CYP24A1: variants seen among roughly 807,000 people sequenced by gnomAD.
The protein encoded by CYP24A1 is 1,25-dihydroxyvitamin D(3) 24-hydroxylase, mitochondrial.
In CYP24A1, 68 loss-of-function variants were observed where a neutral mutation model predicts 62.4. That is an observed-to-expected ratio of 1.09 (90% CI 0.90 to 1.33). The LOEUF is 1.33. Among genes scored for constraint, CYP24A1 ranks in the 40% most tolerant of loss-of-function variants. The probability of loss-of-function intolerance (pLI) is 0.00; values close to 1 mark genes in which losing one functional copy is unlikely to be tolerated. For synonymous variants in CYP24A1, 267 were observed against 253.0 expected, an observed-to-expected ratio of 1.06 and a Z score of -0.52; for missense variants, 787 against 653.0, an observed-to-expected ratio of 1.21 and a Z score of -2.24.
chr20:54,162,795 G>A lies in CYP24A1; in HGVS notation c.912C>T (p.Asp304=), dbSNP rs2092657755. The change falls in exon 7 of 12, where the codon GAC becomes GAT. Residue 304 remains aspartate (D), a synonymous_variant. Coordinates refer to ENST00000216862, the MANE Select transcript of CYP24A1 (RefSeq NM_000782.5). ...SQQPSADFLC[D]IYHQNRLSKK... is the part of the protein sequence containing the mutation. ...TTGAAAGCCGATTCTGGTGATAAATGTCACAAAGGAAATCTGCACTAGGCT... is the reference window on the plus strand; with the variant it reads ...TTGAAAGCCGATTCTGGTGATAAATATCACAAAGGAAATCTGCACTAGGCT... The A allele has an allele frequency of 1.9e-6, 3 of 1,559,684 alleles. 1 individual carries two copies.
intron 7 of CYP24A1, among the ~76,000 whole-genome samples, chr20:54,159,326 T>C (rs1247574208): frequency 6.6e-6 from 1 of 152,172 alleles, no homozygotes; most frequent in Non-Finnish European, 1.5e-5. Context: ...ATTAAGGATA[T>C]ATTTTAAATT....
At chr20:54,166,799 G>A (rs1568972007) in intron 4 of CYP24A1, among the ~76,000 whole-genome samples, 1 of 151,904 alleles carries the variant, frequency 6.6e-6, no homozygotes, top group Non-Finnish European at 1.5e-5. Flanking sequence ...CAGGAGGCTC[G>A]GGCAGGCAGA....
In CYP24A1 at chr20:54,173,232, G is replaced by C; in HGVS notation, c.258+90C>G. On this transcript the variant is annotated intron_variant, in intron 1 of 11. Transcript: ENST00000216862. This position sits in a 1 kb window ranked among gnomAD's most constrained non-coding sequence, Gnocchi z 7.2. ...GCCCAGACGCCGAAGCGCACCATGC[G>C]CCCGAGGCGCGCATGTCGGGGAGGG... 6.6e-7 allele frequency: 1 copy of C among 1,514,908 alleles called. No individual in the cohort carries two copies. The highest frequency in any genetic ancestry group is 9.1e-7 in the Non-Finnish European group (1 of 1,098,260). 93.8% of individuals were successfully genotyped at this position (1,514,908 alleles called of 1,614,324 possible).
At chr20:54,146,268 C>T in the CYP24A1 span, among the ~76,000 whole-genome samples, 6,712 of 152,236 alleles carry the variant, frequency 0.044, 176 homozygotes, top group South Asian at 0.12. Context: ...TATTGTATAT[C>T]GGATGAAACA....
chr20:54,157,663 AC>A, intron 9 of CYP24A1, 78 bp from the exon 10 acceptor site: 1 of 895,706 alleles, frequency 1.1e-6, no homozygotes, highest in Admixed American at 1.7e-5. Context: ...ACAAGTTGTC[AC>A]CTTACAAATC....
intron 5 of CYP24A1, 93 bp from the exon 6 acceptor site, chr20:54,164,656 C>A (rs1388157194): frequency 3.7e-6 from 6 of 1,605,458 alleles, no homozygotes; most frequent in Non-Finnish European, 4.3e-6. Flanking sequence ...ACCGCAGCAC[C>A]CTGCACTTTT....
chr20:54,164,915 C>G (rs2092665909), intron 5 of CYP24A1, among the ~76,000 whole-genome samples: 1 of 151,724 alleles, frequency 6.6e-6, no homozygotes, highest in Non-Finnish European at 1.5e-5. Flanking sequence ...ATTTCCAAAC[C>G]AATTTCACAG....
chr20:54,150,448 C>T (rs939204049), downstream of CYP24A1, among the ~76,000 whole-genome samples: 1 of 152,166 alleles, frequency 6.6e-6, no homozygotes, highest in South Asian at 2.1e-4. Context: ...ATTCTCCTGC[C>T]TCAGCCTCCC....
downstream of CYP24A1, among the ~76,000 whole-genome samples, chr20:54,148,828 A>G (rs1018254144): frequency 2.0e-5 from 3 of 152,212 alleles, no homozygotes; most frequent in African/African-American, 7.2e-5. Context: ...TAAATAATTA[A>G]TTCTTCCTGA....
rs1383708639 is a variant in CYP24A1 at position 54,171,611 on chromosome 20, C to T, written c.509G>A (p.Gly170Glu). 1.2e-6 allele frequency: 2 copies of T among 1,613,920 alleles called. No homozygotes were observed. Among genetic ancestry groups the T allele is most frequent in the Non-Finnish European group, 8.5e-7 (1 of 1,179,884 alleles). ...TTTGTTGTCCAGCTTCATCACTTCC[C>T]CTGGTTTCATTAGTTTCTTTTGAAA... The part of the protein sequence containing the change: ...SAFQKKLMKP[G>E]EVMKLDNKIN... Residue 170 changes from glycine (G) to glutamate (E), a missense_variant, in exon 3 of 12, where the codon GGG becomes GAG. Transcript: ENST00000216862.
At chr20:54,150,158 G>A (rs1056271221), downstream of CYP24A1, among the ~76,000 whole-genome samples, 5 of 152,108 alleles carry the variant, frequency 3.3e-5, no homozygotes, top group African/African-American at 1.2e-4. Flanking sequence ...ATGAAACTAT[G>A]TGTTTACGGT....
rs6013905 is a variant in CYP24A1 at position 54,164,725 on chromosome 20, T to C, written c.733-162A>G. The stretch of plus-strand genomic sequence containing the variant: ...CTCTCTGCACCGGTCCTGGGAGCAA[T>C]GCCCGTACCCCACCTCCACCTCCTT... On this transcript the variant is annotated intron_variant, in intron 5 of 11. Coordinates refer to ENST00000216862, the MANE Select transcript of CYP24A1 (RefSeq NM_000782.5). Among the ~76,000 whole-genome samples the C allele has an allele frequency of 0.16, 24,658 of 151,678 alleles. 2,180 individuals carry two copies. The highest frequency in any genetic ancestry group is 0.39 in the East Asian group (1,989 of 5,158).
chr20:54,167,867 C>G (rs975290600), intron 4 of CYP24A1, among the ~76,000 whole-genome samples: 1 of 152,162 alleles, frequency 6.6e-6, no homozygotes, highest in African/African-American at 2.4e-5. Context: ...CCTTCTATCC[C>G]TCCCATCAGC....
Position 54,173,029 on chromosome 20 carries a change from C to A in CYP24A1, c.329G>T (p.Gly110Val), listed in dbSNP as rs1283191061. 6.2e-7 allele frequency: 1 copy of A among 1,610,080 alleles called. No homozygotes were observed. The highest frequency in any genetic ancestry group is 1.7e-5 in the Admixed American group (1 of 60,022). The part of the protein sequence containing the change: ...KLGSFESVHL[G>V]SPCLLEALYR... ...CAGCGCTTCCAGCAGGCATGGCGAG[C>A]CCAGGTGCACCGACTCAAAGGAACC... is the stretch of plus-strand genomic sequence containing the variant. Residue 110 changes from glycine (G) to valine (V), a missense_variant, in exon 2 of 12, where the codon GGC becomes GTC. By Grantham distance (109) the Gly-to-Val change is moderately radical. Transcript: ENST00000216862. This position sits in a 1 kb window ranked among gnomAD's most constrained non-coding sequence, Gnocchi z 7.2.
At chr20:54,160,694 A>C (rs572670551) in intron 7 of CYP24A1, among the ~76,000 whole-genome samples, 5 of 152,340 alleles carry the variant, frequency 3.3e-5, no homozygotes, top group African/African-American at 1.2e-4. Context: ...TCCAAATGTG[A>C]CTTTCAGAAT....
At chr20:54,166,621 A>G (rs1403803336) in intron 4 of CYP24A1, among the ~76,000 whole-genome samples, 3 of 152,188 alleles carry the variant, frequency 2.0e-5, no homozygotes, top group African/African-American at 7.2e-5. Flanking sequence ...CATAACCACA[A>G]TGTCATTAAC....
At chr20:54,156,414 G>C (rs2092628098) in intron 11 of CYP24A1, among the ~76,000 whole-genome samples, 1 of 152,136 alleles carries the variant, frequency 6.6e-6, no homozygotes, top group African/African-American at 2.4e-5. Context: ...GCTTTCAGTT[G>C]GGGAAGGTTT....
chr20:54,169,715 A>G (rs1186879703), intron 3 of CYP24A1, 27 bp from the exon 4 acceptor site: 1 of 1,613,720 alleles, frequency 6.2e-7, no homozygotes, highest in Non-Finnish European at 8.5e-7. Flanking sequence ...CGCAAAAGAC[A>G]CATTTTAAAG....
At chr20:54,149,142 T>C (rs1207462626), downstream of CYP24A1, among the ~76,000 whole-genome samples, 1 of 152,206 alleles carries the variant, frequency 6.6e-6, no homozygotes, top group Non-Finnish European at 1.5e-5. Flanking sequence ...TACCTGGTTG[T>C]CCTAGTTGTA....
Sources: gnomAD v4.1 joint callset for allele counts (sites outside exome capture counted in the v4.1 genomes callset) on GRCh38, gnomAD v4.1.1 for gene constraint, Gnocchi (gnomAD v3.1) non-coding constraint, MANE v1.5 for transcripts, NCBI Gene and HGNC (gene_info 2026-07-23, HGNC 2026-07-21) for gene names.